The following ANKFN1 variants were observed in gnomAD, a reference collection of about 807,000 sequenced individuals.
ANKFN1 encodes ankyrin repeat and fibronectin type III domain containing 1.
In ANKFN1, 74 loss-of-function variants were observed where a neutral mutation model predicts 108.7. The observed-to-expected ratio is 0.68, with a 90% CI of 0.56 to 0.83. The LOEUF (loss-of-function observed/expected upper bound fraction) is 0.83. Ranked by LOEUF, ANKFN1 falls within the 40% of genes least tolerant of loss-of-function variation. ANKFN1 has a pLI of 0.00. For missense variants in ANKFN1, 1,505 were observed against 1,382.3 expected (o/e 1.09, Z -1.41); for synonymous variants, 547 against 516.2 (o/e 1.06, Z -0.81).
intron 4 of ANKFN1, among the ~76,000 whole-genome samples, chr17:56,119,517 CT>C (rs35303620): frequency 0.012 from 1,788 of 152,158 alleles, 34 homozygotes; most frequent in African/African-American, 0.04. Flanking sequence ...TGTTATAACT[CT>C]TTTTAAAAGC....
intron 4 of ANKFN1, among the ~76,000 whole-genome samples, chr17:56,075,806 AAG>A (rs1394546248): frequency 6.6e-6 from 1 of 152,110 alleles, no homozygotes; most frequent in Non-Finnish European, 1.5e-5. Context: ...CTAGTTCTGC[AAG>A]CTTTCTCAAA....
intron 8 of ANKFN1, among the ~76,000 whole-genome samples, chr17:56,414,114 T>C (rs1055178932): frequency 1.3e-5 from 2 of 152,220 alleles, no homozygotes; most frequent in African/African-American, 2.4e-5. Flanking sequence ...GAGTTTTACA[T>C]TGATGTTCAT....
chr17:56,076,701 G>A (rs1293442083), intron 4 of ANKFN1, among the ~76,000 whole-genome samples: 1 of 152,034 alleles, frequency 6.6e-6, no homozygotes, highest in East Asian at 1.9e-4. Flanking sequence ...TTGTTATAAG[G>A]ACTAAATGAA....
chr17:56,407,879 A>G (rs906305173), intron 8 of ANKFN1, among the ~76,000 whole-genome samples: 6 of 151,702 alleles, frequency 4.0e-5, no homozygotes, highest in Non-Finnish European at 8.8e-5. Context: ...TAAACTTTCT[A>G]GAAGAGCTTT....
intron 8 of ANKFN1, among the ~76,000 whole-genome samples, chr17:56,388,568 G>A (rs2047341069): frequency 1.3e-5 from 2 of 152,098 alleles, no homozygotes; most frequent in Admixed American, 6.6e-5. Flanking sequence ...TGCCAACTAT[G>A]TTTATACATT....
At chr17:56,303,767 C>T (rs777212526) in intron 3 of ANKFN1, among the ~76,000 whole-genome samples, 1 of 152,028 alleles carries the variant, frequency 6.6e-6, no homozygotes, top group Non-Finnish European at 1.5e-5. Flanking sequence ...TCACTGCGAC[C>T]TCCACCTCCC....
chr17:56,444,793 C>T (rs1485626137), intron 10 of ANKFN1, among the ~76,000 whole-genome samples: 6 of 152,134 alleles, frequency 3.9e-5, no homozygotes, highest in African/African-American at 7.2e-5. Flanking sequence ...GTTGCCTTTC[C>T]GAAAGTCACA....
chr17:56,489,329 A>C (rs1243801868), intron 18 of ANKFN1, among the ~76,000 whole-genome samples: 2 of 152,190 alleles, frequency 1.3e-5, no homozygotes, highest in Non-Finnish European at 2.9e-5. Context: ...CATTTTTAAA[A>C]ATTAGAAGCT....
intron 11 of ANKFN1, among the ~76,000 whole-genome samples, chr17:56,450,270 GAAAA>G (rs144443488): frequency 6.7e-6 from 1 of 148,608 alleles, no homozygotes; most frequent in South Asian, 2.1e-4. Context: ...TTTTTTAAAA[GAAAA>G]AAAAAATCCA....
At chr17:56,272,855 C>T (rs2043827364) in intron 3 of ANKFN1, among the ~76,000 whole-genome samples, 1 of 152,294 alleles carries the variant, frequency 6.6e-6, no homozygotes, top group African/African-American at 2.4e-5. Flanking sequence ...GAGTAGAATA[C>T]CAAGTAGAAG....
intron 8 of ANKFN1, among the ~76,000 whole-genome samples, chr17:56,439,002 G>A (rs944096094): frequency 6.6e-6 from 1 of 152,156 alleles, no homozygotes; most frequent in African/African-American, 2.4e-5. Context: ...AACCGGGGGA[G>A]GGGAATGGTT....
At chr17:56,216,947 A>C (rs763785564) in intron 2 of ANKFN1, among the ~76,000 whole-genome samples, 1 of 152,246 alleles carries the variant, frequency 6.6e-6, no homozygotes, top group Non-Finnish European at 1.5e-5. Flanking sequence ...AATAAAAGGA[A>C]GAAAAAGAAA....
chr17:56,206,053 T>C (rs1209642352), intron 1 of ANKFN1, among the ~76,000 whole-genome samples: 1 of 152,208 alleles, frequency 6.6e-6, no homozygotes, highest in Non-Finnish European at 1.5e-5. Flanking sequence ...TTTATAATGT[T>C]AACATTTGCA....
chr17:56,153,440 C>T, upstream of ANKFN1: 1 of 1,584,646 alleles, frequency 6.3e-7, no homozygotes, highest in Non-Finnish European at 8.7e-7. Context: ...ACCGTGTGGA[C>T]ATTCGCAAAG....
At chr17:56,248,002 C>A (rs2043155652) in intron 3 of ANKFN1, among the ~76,000 whole-genome samples, 1 of 152,176 alleles carries the variant, frequency 6.6e-6, no homozygotes, top group African/African-American at 2.4e-5. Flanking sequence ...TTGAATGCAA[C>A]ACATTGTCAT....
intron 8 of ANKFN1, among the ~76,000 whole-genome samples, chr17:56,406,155 C>A (rs1008876825): frequency 1.3e-5 from 2 of 152,206 alleles, no homozygotes; most frequent in South Asian, 2.1e-4. Context: ...TCTTTAAAAT[C>A]ACGTAAGGGC....
chr17:56,247,639 G>A (rs1918052281), intron 3 of ANKFN1, among the ~76,000 whole-genome samples: 1 of 152,052 alleles, frequency 6.6e-6, no homozygotes, highest in Non-Finnish European at 1.5e-5. Flanking sequence ...AGAAATTGAA[G>A]GTCAAAGAGG....
chr17:56,049,553 C>A (rs1055926952), intron 4 of ANKFN1, among the ~76,000 whole-genome samples: 1 of 151,806 alleles, frequency 6.6e-6, no homozygotes, highest in South Asian at 2.1e-4. Context: ...CCCCCGACCC[C>A]ACCACAGTCC....
At chr17:56,361,579 T>C (rs1326933816) in intron 6 of ANKFN1, among the ~76,000 whole-genome samples, 1 of 152,172 alleles carries the variant, frequency 6.6e-6, no homozygotes, top group Non-Finnish European at 1.5e-5. Flanking sequence ...ATAATTGTAC[T>C]TAACTTGTAT....
Sources: gnomAD v4.1 joint callset for allele counts (sites outside exome capture counted in the v4.1 genomes callset) on GRCh38, gnomAD v4.1.1 for gene constraint, MANE v1.5 for transcripts, NCBI Gene and HGNC (gene_info 2026-07-23, HGNC 2026-07-21) for gene names.